IGF1R: variants seen among roughly 807,000 people sequenced by gnomAD.
The protein encoded by IGF1R is insulin like growth factor 1 receptor.
In IGF1R, 44 loss-of-function variants were observed where a neutral mutation model predicts 144.6. The observed-to-expected ratio is 0.30, with a 90% CI of 0.24 to 0.39. The LOEUF (loss-of-function observed/expected upper bound fraction) is 0.39, where lower values mean the gene tolerates loss of function less well. Ranked by LOEUF, IGF1R falls within the 10% of genes least tolerant of loss-of-function variation. The probability of loss-of-function intolerance (pLI) is 1.00; values close to 1 mark genes in which losing one functional copy is unlikely to be tolerated. For synonymous variants in IGF1R, 795 were observed against 722.8 expected, an observed-to-expected ratio of 1.10 and a Z score of -1.60; for missense variants, 1,355 against 1,833.7, an observed-to-expected ratio of 0.74 and a Z score of 4.77.
chr15:98,916,251 C>G, intron 9 of IGF1R, 120 bp downstream of exon 9: 1 of 868,810 alleles, frequency 1.2e-6, no homozygotes, highest in Non-Finnish European at 1.8e-6. Context: ...TGGAAACCAG[C>G]TATCTTCTGG....
chr15:98,829,368 T>TA (rs34595229), intron 2 of IGF1R, among the ~76,000 whole-genome samples: 69,368 of 147,512 alleles, frequency 0.47, 18,919 homozygotes, highest in East Asian at 0.64. Context: ...GCTATTACTT[T>TA]AAAAAAAAAA....
chr15:98,878,229 C>T (rs1236515883), intron 2 of IGF1R, among the ~76,000 whole-genome samples: 1 of 152,200 alleles, frequency 6.6e-6, no homozygotes, highest in East Asian at 1.9e-4. Context: ...CAAAACAGTC[C>T]CCAGTTTGTC....
chr15:98,713,646 G>T (rs186157019), intron 2 of IGF1R, among the ~76,000 whole-genome samples: 10 of 152,262 alleles, frequency 6.6e-5, no homozygotes, highest in Admixed American at 2.6e-4. Context: ...TGGGAGGGAC[G>T]GAGGTGAATC....
At position 98,935,441 on chromosome 15, in the gene IGF1R, C is replaced by G. The variant is rs1431467040; in HGVS notation, c.3297+15C>G. 1 of 1,410,794 alleles carries G rather than the reference C, an allele frequency of 7.1e-7. No homozygotes were observed. The allele number at this position is 1,410,794 out of a possible 1,614,324, so 87.4% of individuals were successfully genotyped here. ...CAGAAATGGAGGTCAGTTTTCATTTCCACCGGTATTGCATGTTGCCTGGCC... is the reference window on the plus strand; with the variant it reads ...CAGAAATGGAGGTCAGTTTTCATTTGCACCGGTATTGCATGTTGCCTGGCC... On this transcript the variant is annotated intron_variant, in intron 17 of 20. Coordinates refer to ENST00000650285, the MANE Select transcript of IGF1R (RefSeq NM_000875.5). The surrounding 1 kb of genome is among the most constrained non-coding windows in gnomAD (Gnocchi z 4.2).
intron 2 of IGF1R, among the ~76,000 whole-genome samples, chr15:98,784,954 TACA>T (rs1294585151): frequency 5.9e-5 from 9 of 152,190 alleles, no homozygotes; most frequent in African/African-American, 2.2e-4. Flanking sequence ...TGACTGTATT[TACA>T]ACATGTCTAG....
At chr15:98,930,352 T>C in intron 15 of IGF1R, 47 bp downstream of exon 15, 1 of 1,389,602 alleles carries the variant, frequency 7.2e-7, no homozygotes, top group Non-Finnish European at 1.0e-6. Flanking sequence ...GGCAGGTAGA[T>C]CGGGAGCTTT....
chr15:98,742,020 T>C (rs1340821794), intron 2 of IGF1R, among the ~76,000 whole-genome samples: 2 of 152,202 alleles, frequency 1.3e-5, no homozygotes, highest in Admixed American at 6.5e-5. Context: ...AGGTCAAAGT[T>C]AAGTCATTGT....
At chr15:98,697,219 A>G (rs867629298) in intron 1 of IGF1R, among the ~76,000 whole-genome samples, 55 of 152,236 alleles carry the variant, frequency 3.6e-4, no homozygotes, top group African/African-American at 1.3e-3. Context: ...TGTGCCAAAC[A>G]CTCAAAGTTA....
chr15:98,796,253 AAT>A (rs1195153598), intron 2 of IGF1R, among the ~76,000 whole-genome samples: 3 of 152,078 alleles, frequency 2.0e-5, no homozygotes, highest in African/African-American at 7.2e-5. Flanking sequence ...TCCAGAAAGT[AAT>A]ACAGTAAAGG....
chr15:98,893,181 T>C (rs2014013918), intron 3 of IGF1R, among the ~76,000 whole-genome samples: 2 of 152,264 alleles, frequency 1.3e-5, no homozygotes, highest in Non-Finnish European at 2.9e-5. Context: ...CTGCAGCTTA[T>C]GAAGTACATT....
At chr15:98,673,196 A>G (rs1160427066) in intron 1 of IGF1R, among the ~76,000 whole-genome samples, 1 of 152,130 alleles carries the variant, frequency 6.6e-6, no homozygotes, top group East Asian at 1.9e-4. Context: ...CTTTTGGACC[A>G]CACATGGTTT....
chr15:98,902,805 A>T (rs899857322), intron 5 of IGF1R, among the ~76,000 whole-genome samples: 9 of 152,060 alleles, frequency 5.9e-5, no homozygotes, highest in African/African-American at 1.7e-4. Flanking sequence ...TTTGTTTTTG[A>T]TGGAGAACAG....
rs1183597396 is a variant in IGF1R at position 98,648,956 on chromosome 15, G to A, written c.-626G>A. The A allele has an allele frequency of 5.0e-6, 1 of 198,374 alleles. No homozygotes were observed. Among genetic ancestry groups the A allele is most frequent in the East Asian group, 7.3e-5 (1 of 13,668 alleles). The allele number at this position is 198,374 out of a possible 1,614,324, so 12.3% of individuals were successfully genotyped here. On this transcript the variant is annotated 5_prime_UTR_variant, in exon 1 of 21. It adds an upstream start codon to the 5' untranslated region. Transcript: ENST00000650285. ...CGGCGCGGCCGGCCCGCCGCTTTGT[G>A]TGTGTCCTGGATTTGGGAAGGAGCT... is the stretch of plus-strand genomic sequence containing the variant.
intron 2 of IGF1R, among the ~76,000 whole-genome samples, chr15:98,742,218 C>T (rs997649413): frequency 2.6e-5 from 4 of 152,192 alleles, no homozygotes; most frequent in Non-Finnish European, 4.4e-5. Flanking sequence ...ACAGCATATC[C>T]TGTTAAATAT....
intron 19 of IGF1R, among the ~76,000 whole-genome samples, chr15:98,946,998 G>C (rs558143730): frequency 1.3e-5 from 2 of 152,336 alleles, no homozygotes; most frequent in East Asian, 1.9e-4. Context: ...CTGCATTTCA[G>C]ATGTGTGGGT....
chr15:98,833,349 C>T (rs1401380740), intron 2 of IGF1R, among the ~76,000 whole-genome samples: 1 of 152,206 alleles, frequency 6.6e-6, no homozygotes. Context: ...CCTGGACCCC[C>T]TGGTTTGGTC....
intron 1 of IGF1R, among the ~76,000 whole-genome samples, chr15:98,669,989 A>G (rs1596162901): frequency 6.6e-6 from 1 of 152,126 alleles, no homozygotes; most frequent in Non-Finnish European, 1.5e-5. Flanking sequence ...GATGAGGTAG[A>G]TCGGGGCCCC....
chr15:98,689,166 TTTGGTTGC>T (rs1345152780), intron 1 of IGF1R, among the ~76,000 whole-genome samples: 4 of 152,178 alleles, frequency 2.6e-5, no homozygotes, highest in South Asian at 2.1e-4. Context: ...GCAGATTTTT[TTTGGTTGC>T]TTGGTTGGTT....
At chr15:98,893,200 G>C (rs546630267) in intron 3 of IGF1R, among the ~76,000 whole-genome samples, 8 of 152,328 alleles carry the variant, frequency 5.3e-5, no homozygotes, top group Admixed American at 3.3e-4. Flanking sequence ...TTGAGGAAGT[G>C]TTTATAAAGG....
Sources: gnomAD v4.1 joint callset for allele counts (sites outside exome capture counted in the v4.1 genomes callset) on GRCh38, gnomAD v4.1.1 for gene constraint, Gnocchi (gnomAD v3.1) non-coding constraint, MANE v1.5 for transcripts, NCBI Gene and HGNC (gene_info 2026-07-23, HGNC 2026-07-21) for gene names.